The following BAZ2B variants were observed in gnomAD, a reference collection of about 807,000 sequenced individuals.
BAZ2B encodes the protein bromodomain adjacent to zinc finger domain 2B, also known as bromodomain adjacent to zinc finger domain protein 2B.
Under a neutral mutation model 246.0 loss-of-function variants are expected in BAZ2B, and 91 were observed. The observed-to-expected ratio is 0.37, with a 90% CI of 0.31 to 0.44. BAZ2B has a LOEUF of 0.44. BAZ2B is among the 20% of genes least tolerant of loss of function. The pLI is 1.00. For synonymous variants in BAZ2B, 855 were observed against 860.0 expected (o/e 0.99, Z 0.10); for missense variants, 2,332 against 2,533.7 (o/e 0.92, Z 1.71).
At chr2:159,532,176 T>G (rs1454860099) in intron 2 of BAZ2B, among the ~76,000 whole-genome samples, 5 of 152,340 alleles carry the variant, frequency 3.3e-5, no homozygotes, top group African/African-American at 1.2e-4. Flanking sequence ...AGTTTTGTAC[T>G]CTAATCAATG....
intron 2 of BAZ2B, among the ~76,000 whole-genome samples, chr2:159,532,273 T>A (rs539740953): frequency 6.6e-6 from 1 of 152,294 alleles, no homozygotes; most frequent in African/African-American, 2.4e-5. Context: ...TGTAGAATGC[T>A]AACTACCAAG....
chr2:159,361,793 A>C (rs1176975563), intron 27 of BAZ2B, among the ~76,000 whole-genome samples: 1 of 152,206 alleles, frequency 6.6e-6, no homozygotes, highest in Non-Finnish European at 1.5e-5. Flanking sequence ...GGATGAGTTC[A>C]TGTCCTTTGC....
At chr2:159,480,711 A>G (rs1173327699) in intron 2 of BAZ2B, among the ~76,000 whole-genome samples, 1 of 152,094 alleles carries the variant, frequency 6.6e-6, no homozygotes, top group African/African-American at 2.4e-5. Context: ...AGCTAGTAGT[A>G]TAGGCTGGGG....
chr2:159,431,356 G>GT (rs1272295307), intron 9 of BAZ2B, among the ~76,000 whole-genome samples, 200 bp from the exon 10 acceptor site: 1 of 152,126 alleles, frequency 6.6e-6, no homozygotes, highest in Non-Finnish European at 1.5e-5. Context: ...TTTTTTAAGT[G>GT]TAAGTTTTAC....
At chr2:159,462,260 A>G in intron 3 of BAZ2B, 1 of 594,900 alleles carries the variant, frequency 1.7e-6, no homozygotes, top group Non-Finnish European at 3.0e-6. Flanking sequence ...ACAGTATTCC[A>G]TGAGGTTAGA....
intron 25 of BAZ2B, among the ~76,000 whole-genome samples, chr2:159,381,785 G>A (rs746846315): frequency 6.6e-6 from 1 of 152,170 alleles, no homozygotes; most frequent in African/African-American, 2.4e-5. Context: ...TGTTGCATAT[G>A]AGACTCCAGT....
At chr2:159,519,252 T>TCC (rs2083824012) in intron 2 of BAZ2B, among the ~76,000 whole-genome samples, 1 of 113,578 alleles carries the variant, frequency 8.8e-6, no homozygotes, top group Non-Finnish European at 1.8e-5. Context: ...AGACGGAGTC[T>TCC]CGCTCTGTCG....
rs541304274 is a variant in BAZ2B at position 159,348,319 on chromosome 2, C to CAAAAA, written c.5293+354_5293+358dup. Among the ~76,000 whole-genome samples the CAAAAA allele has an allele frequency of 1.3e-3, 34 of 27,154 alleles. 1 individual carries two copies. Among genetic ancestry groups the CAAAAA allele is most frequent in the African/African-American group, 3.0e-3 (33 of 11,006 alleles). 17.8% of individuals were successfully genotyped at this position (27,154 alleles called of 152,430 possible). On this transcript the variant is annotated intron_variant, in intron 30 of 36. Transcript: ENST00000392783. ...TAGGTGACACAGCAAGACTCTCTCACAAAAAAAAAAAAAAAAAAAAAAAAA... is the reference window on the plus strand; with the variant it reads ...TAGGTGACACAGCAAGACTCTCTCACAAAAAAAAAAAAAAAAAAAAAAAAAAAAAA...
At chr2:159,583,788 A>G (rs1169946416) in intron 1 of BAZ2B, among the ~76,000 whole-genome samples, 1 of 152,186 alleles carries the variant, frequency 6.6e-6, no homozygotes, top group Non-Finnish European at 1.5e-5. Flanking sequence ...TACAGGGCAG[A>G]CGGTTTATTT....
Position 159,329,136 on chromosome 2 carries a change from G to GAA in BAZ2B, c.5944-3220_5944-3219dup, listed in dbSNP as rs567964390. Among the ~76,000 whole-genome samples the GAA allele has an allele frequency of 4.5e-3, 334 of 73,468 alleles. 4 individuals carry two copies. Among genetic ancestry groups the GAA allele is most frequent in the African/African-American group, 0.014 (319 of 22,932 alleles). 48.2% of individuals were successfully genotyped at this position (73,468 alleles called of 152,430 possible). ...ACAGAGTGAGACTCTGTCTTAATAG[G>GAA]AAAAAAAAAAAAAAAAAGAAAATAT... On this transcript the variant is annotated intron_variant, in intron 34 of 36. Coordinates refer to ENST00000392783, the MANE Select transcript of BAZ2B (RefSeq NM_013450.4).
chr2:159,450,512 G>A (rs929518145), intron 4 of BAZ2B, among the ~76,000 whole-genome samples: 8 of 152,192 alleles, frequency 5.3e-5, no homozygotes, highest in African/African-American at 1.9e-4. Flanking sequence ...AGATGTGAAT[G>A]GTAGAGCTTC....
At chr2:159,360,827 C>T (rs953064282) in intron 27 of BAZ2B, among the ~76,000 whole-genome samples, 2 of 152,074 alleles carry the variant, frequency 1.3e-5, no homozygotes, top group African/African-American at 4.8e-5. Context: ...CTTTGACAAA[C>T]CTGAGAAAAA....
At chr2:159,526,985 C>G (rs1317167568) in intron 2 of BAZ2B, among the ~76,000 whole-genome samples, 1 of 148,246 alleles carries the variant, frequency 6.7e-6, no homozygotes, top group South Asian at 2.1e-4. Context: ...AACTATTTTT[C>G]AGAGTGGTTG....
chr2:159,436,692 A>G (rs956391299), intron 8 of BAZ2B, among the ~76,000 whole-genome samples: 1 of 152,304 alleles, frequency 6.6e-6, no homozygotes, highest in Admixed American at 6.5e-5. Context: ...TGGAGCTTGC[A>G]GTGAGCGGAG....
chr2:159,478,758 T>C, intron 2 of BAZ2B, 37 bp from the exon 3 acceptor site: 2 of 1,392,926 alleles, frequency 1.4e-6, no homozygotes, highest in South Asian at 2.0e-5. Flanking sequence ...CAGTATCAGA[T>C]AAAAAATTTT....
chr2:159,604,262 C>T (rs1303888200), intron 1 of BAZ2B, among the ~76,000 whole-genome samples: 1 of 151,530 alleles, frequency 6.6e-6, no homozygotes, highest in Non-Finnish European at 1.5e-5. Flanking sequence ...CTTTCTTATA[C>T]ATGTATTTTA....
intron 3 of BAZ2B, among the ~76,000 whole-genome samples, chr2:159,477,629 A>G (rs564007406): frequency 1.5e-4 from 23 of 152,272 alleles, no homozygotes; most frequent in African/African-American, 4.8e-4. Flanking sequence ...ACTGCTTATA[A>G]ACATGAAATA....
chr2:159,523,506 C>A (rs2084375518), intron 2 of BAZ2B, among the ~76,000 whole-genome samples: 1 of 152,020 alleles, frequency 6.6e-6, no homozygotes, highest in South Asian at 2.1e-4. Context: ...GAGTTCGAGA[C>A]CAGCCTGGCC....
chr2:159,476,899 T>G (rs1297402982), intron 3 of BAZ2B, among the ~76,000 whole-genome samples: 2 of 152,220 alleles, frequency 1.3e-5, no homozygotes, highest in African/African-American at 4.8e-5. Context: ...CATCAGAGGC[T>G]TGGACACTTA....
Sources: allele counts gnomAD v4.1 joint callset (sites outside exome capture counted in the v4.1 genomes callset), GRCh38; gene constraint gnomAD v4.1.1; transcripts MANE v1.5; gene names NCBI Gene and HGNC (gene_info 2026-07-23, HGNC 2026-07-21).